The following NDOR1 variants were observed in gnomAD, a reference collection of about 807,000 sequenced individuals.
NDOR1 encodes the protein NADPH dependent diflavin oxidoreductase 1.
Under a neutral mutation model 67.2 loss-of-function variants are expected in NDOR1, and 61 were observed. The ratio of observed to expected loss-of-function variants is 0.91; its 90% CI spans 0.74 to 1.12. NDOR1 has a LOEUF of 1.12. Among genes scored for constraint, NDOR1 ranks in the 50% most tolerant of loss-of-function variants. The probability of loss-of-function intolerance (pLI) is 0.00; values close to 1 mark genes in which losing one functional copy is unlikely to be tolerated. For synonymous variants in NDOR1, 378 were observed against 343.7 expected (o/e 1.10, Z -1.10); for missense variants, 878 against 802.8 (o/e 1.09, Z -1.13).
chr9:137,216,697 G>T lies in NDOR1; in HGVS notation c.*281G>T, dbSNP rs1835624834. The T allele has an allele frequency of 2.0e-6, 1 of 492,888 alleles. No individual in the cohort carries two copies. Among genetic ancestry groups the T allele is most frequent in the East Asian group, 3.8e-5 (1 of 26,630 alleles). 30.5% of individuals were successfully genotyped at this position (492,888 alleles called of 1,614,324 possible). On this transcript the variant is annotated 3_prime_UTR_variant, in exon 14 of 14. Transcript: ENST00000684003. Reference sequence around the variant, plus strand: ...CACCCCCTTCCCAGTCAAGGTGGTGGCCTGGGCCGCTCCACCTCACCGGTG... The same window carrying T: ...CACCCCCTTCCCAGTCAAGGTGGTGTCCTGGGCCGCTCCACCTCACCGGTG...
chr9:137,214,933 G>C lies in NDOR1; in HGVS notation c.980G>C (p.Arg327Pro). 1.2e-6 allele frequency: 2 copies of C among 1,613,420 alleles called. No homozygotes were observed. Among genetic ancestry groups the C allele is most frequent in the Non-Finnish European group, 1.7e-6 (2 of 1,180,034 alleles). ...TGTCTATCCCTCCATGAGCTGGAGC[G>C]GGAGAAGCTGCTGGAGTTCAGTTCT... is the stretch of plus-strand genomic sequence containing the variant. ...LACLSLHELE[R>P]EKLLEFSSAQ... The change falls in exon 8 of 14, where the codon CGG becomes CCG. Residue 327 changes from arginine (R) to proline (P), a missense_variant. Arg to Pro is a moderately radical substitution (Grantham distance 103). Transcript: ENST00000684003.
chr9:137,216,152 T>C lies in NDOR1; in HGVS notation c.1613T>C (p.Leu538Pro). Residue 538 changes from leucine to proline, a missense_variant, in exon 13 of 14, where the codon CTG becomes CCG. Transcript: ENST00000684003. Reference protein sequence around the residue: ...LRELGSLVWELLDRQGAYFYL... With the variant: ...LRELGSLVWEPLDRQGAYFYL... ...GAGCTGGGGTCGCTTGTGTGGGAAC[T>C]GCTGGACCGCCAGGGTGCATACTTC... The C allele has an allele frequency of 6.2e-7, 1 of 1,613,578 alleles. No homozygotes were observed. Among genetic ancestry groups the C allele is most frequent in the Non-Finnish European group, 8.5e-7 (1 of 1,180,010 alleles).
At chr9:137,207,984 T>A (rs1457259318) in intron 2 of NDOR1, among the ~76,000 whole-genome samples, 1 of 141,286 alleles carries the variant, frequency 7.1e-6, no homozygotes, top group Non-Finnish European at 1.5e-5. Flanking sequence ...TCTACTAAAA[T>A]TACAACAATT....
chr9:137,215,382 A>ACCCCCCCCCCCCCCGCCCC, intron 9 of NDOR1, 25 bp from the exon 10 acceptor site: 1 of 1,058,056 alleles, frequency 9.5e-7, no homozygotes, highest in Non-Finnish European at 1.4e-6. Flanking sequence ...TTGTTCCACC[A>ACCCCCCCCCCCCCCGCCCC]CCCCCACCCC....
Position 137,205,728 on chromosome 9 carries a change from G to T in NDOR1, c.-50G>T. The T allele has an allele frequency of 6.3e-7, 1 of 1,597,628 alleles. No individual in the cohort carries two copies. The highest frequency in any genetic ancestry group is 8.5e-7 in the Non-Finnish European group (1 of 1,178,848). On this transcript the variant is annotated 5_prime_UTR_variant, in exon 1 of 14. Transcript: ENST00000684003. Reference sequence around the variant, plus strand: ...GCGGTCCCTGCAACCCGGCCGGCGGGAACTGCCTTCTAGTTTTTAGTCTCA... The same window carrying T: ...GCGGTCCCTGCAACCCGGCCGGCGGTAACTGCCTTCTAGTTTTTAGTCTCA...
At position 137,215,112 on chromosome 9, in the gene NDOR1, G is replaced by T. The variant is rs145912724; in HGVS notation, c.1083G>T (p.Pro361=). The T allele has an allele frequency of 1.9e-6, 3 of 1,613,668 alleles. No individual in the cohort carries two copies. Among genetic ancestry groups the T allele is most frequent in the Middle Eastern group, 1.6e-4 (1 of 6,062 alleles). The part of the protein sequence containing the change: ...RTILEVLCDF[P]HTAAAIPPDY... ...TTGCCTAGGTGCTCTGTGACTTCCCGCACACAGCTGCCGCCATCCCTCCCG... is the reference window on the plus strand; with the variant it reads ...TTGCCTAGGTGCTCTGTGACTTCCCTCACACAGCTGCCGCCATCCCTCCCG... The change falls in exon 9 of 14, where the codon CCG becomes CCT. Residue 361 remains proline, a synonymous_variant. Transcript: ENST00000684003.
At chr9:137,205,960 T>G (rs1588785187) in intron 1 of NDOR1, 48 bp downstream of exon 1, 1 of 1,521,690 alleles carries the variant, frequency 6.6e-7, no homozygotes, top group South Asian at 1.2e-5. Flanking sequence ...AGGCCTGGCG[T>G]GCCCGCCTCG....
chr9:137,217,701 G>C lies in NDOR1; in HGVS notation c.*1285G>C, dbSNP rs1835693614. On this transcript the variant is annotated 3_prime_UTR_variant, in exon 14 of 14. Coordinates refer to ENST00000684003, the MANE Select transcript of NDOR1 (RefSeq NM_014434.4). ...AGCCAGCCGGGAGGTCAGTGCCAGA[G>C]CTCTGGTGGAGCCCAGACCCTGCCT... The C allele has an allele frequency of 3.0e-6, 1 of 331,918 alleles. No individual in the cohort carries two copies. The highest frequency in any genetic ancestry group is 2.1e-5 in the African/African-American group (1 of 47,276). The allele number at this position is 331,918 out of a possible 1,614,324, so 20.6% of individuals were successfully genotyped here. A position where few individuals can be genotyped will look rare whatever the true frequency, so the allele number is the denominator to read the frequency against.
In NDOR1 at chr9:137,214,069, G is replaced by T; in HGVS notation, c.512+1G>T. 1 of 1,538,380 alleles carries T rather than the reference G, an allele frequency of 6.5e-7. No homozygotes were observed. On this transcript the variant is annotated splice_donor_variant, in intron 5 of 13. Coordinates refer to ENST00000684003, the MANE Select transcript of NDOR1 (RefSeq NM_014434.4). LOFTEE classifies it high-confidence loss of function. ...TCACTGAGATCCCTCCCGGAGTCCC[G>T]TGAGTGTGGGCCCCGGGTCACCCAC...
At position 137,217,435 on chromosome 9, in the gene NDOR1, C is replaced by CG. The variant is rs1835672944; in HGVS notation, c.*1022dup. 1 of 152,386 alleles carries CG rather than the reference C, an allele frequency of 6.6e-6. No individual in the cohort carries two copies. Among genetic ancestry groups the CG allele is most frequent in the South Asian group, 2.1e-4 (1 of 4,858 alleles). The allele number at this position is 152,386 out of a possible 1,614,324, so 9.4% of individuals were successfully genotyped here. A position where few individuals can be genotyped will look rare whatever the true frequency, so the allele number is the denominator to read the frequency against. The stretch of plus-strand genomic sequence containing the variant: ...GGGCGTGGTTGTGCAGCCCCACCCC[C>CG]GGGAGGGGCTTTAGGCACTGGGAAG... On this transcript the variant is annotated 3_prime_UTR_variant, in exon 14 of 14. Coordinates refer to ENST00000684003, the MANE Select transcript of NDOR1 (RefSeq NM_014434.4).
In NDOR1 at chr9:137,211,598, G is replaced by C. The variant is rs145947198; in HGVS notation, c.214-904G>C. 9.2e-5 allele frequency among the ~76,000 whole-genome samples: 14 copies of C among 152,156 alleles called. 1 individual carries two copies. The highest frequency in any genetic ancestry group is 2.7e-4 in the African/African-American group (11 of 41,488). ...AGTCTTTTGGGATTCAGGAAGCAAG[G>C]GTGTCTCAACAGCAGGGCGCTAGGG... On this transcript the variant is annotated intron_variant, in intron 2 of 13. Coordinates refer to ENST00000684003, the MANE Select transcript of NDOR1 (RefSeq NM_014434.4).
In NDOR1 at chr9:137,215,463, C is replaced by A. The variant is rs1241795251; in HGVS notation, c.1230C>A (p.Leu410=). Residue 410 remains leucine (L), a synonymous_variant, in exon 10 of 14, where the codon CTC becomes CTA. Coordinates refer to ENST00000684003, the MANE Select transcript of NDOR1 (RefSeq NM_014434.4). Reference sequence around the variant, plus strand: ...CTGTAGTGCAGTTCCAGACTCGCCTCAAGGAGCCCCGCCGGGGCCTCTGCT... The same window carrying A: ...CTGTAGTGCAGTTCCAGACTCGCCTAAAGGAGCCCCGCCGGGGCCTCTGCT... The part of the protein sequence containing the change: ...LVAVVQFQTR[L]KEPRRGLCSS... 1 of 1,613,470 alleles carries A rather than the reference C, an allele frequency of 6.2e-7. No individual in the cohort carries two copies. The highest frequency in any genetic ancestry group is 1.7e-5 in the Admixed American group (1 of 60,024).
Position 137,207,410 on chromosome 9 carries a change from G to A in NDOR1, c.213+1101G>A, listed in dbSNP as rs1416843786. Among the ~76,000 whole-genome samples, 3 of 152,102 alleles carry A rather than the reference G, an allele frequency of 2.0e-5. No homozygotes were observed. In the East Asian group the frequency reaches 5.8e-4, roughly 30 times the overall value. On this transcript the variant is annotated intron_variant, in intron 2 of 13. Coordinates refer to ENST00000684003, the MANE Select transcript of NDOR1 (RefSeq NM_014434.4). The stretch of plus-strand genomic sequence containing the variant: ...TCAGAGAACACGGTGGGAGTAGGGG[G>A]CTGTGCAGGAAGGGAACCTGGAGAC...
intron 2 of NDOR1, among the ~76,000 whole-genome samples, chr9:137,210,736 A>G (rs1029448120): frequency 6.6e-6 from 1 of 151,990 alleles, no homozygotes; most frequent in African/African-American, 2.4e-5. Flanking sequence ...AATCCCCACT[A>G]CTTGGGAGGC....
chr9:137,215,718 G>A lies in NDOR1; in HGVS notation c.1348G>A (p.Asp450Asn). Reference sequence around the variant, plus strand: ...GAGTCTGGCCTTCCCAGAGACACCAGACACACCTGTGATCATGGTGGGGCC... The same window carrying A: ...GAGTCTGGCCTTCCCAGAGACACCAAACACACCTGTGATCATGGTGGGGCC... ...PGSLAFPETP[D>N]TPVIMVGPGT... Residue 450 changes from aspartate to asparagine, a missense_variant, in exon 11 of 14, where the codon GAC becomes AAC. Coordinates refer to ENST00000684003, the MANE Select transcript of NDOR1 (RefSeq NM_014434.4). 2 of 1,600,714 alleles carry A rather than the reference G, an allele frequency of 1.2e-6. No homozygotes were observed.
chr9:137,215,224 G>T (rs1373285747), intron 9 of NDOR1, 22 bp downstream of exon 9: 2 of 1,602,002 alleles, frequency 1.2e-6, no homozygotes, highest in Non-Finnish European at 1.7e-6. Context: ...GGTGGTTGGA[G>T]CCCAGGACCG....
intron 2 of NDOR1, among the ~76,000 whole-genome samples, chr9:137,209,559 G>C (rs902624633): frequency 1.3e-5 from 2 of 152,180 alleles, no homozygotes; most frequent in Admixed American, 6.5e-5. Context: ...CGGGAACTGG[G>C]AGCTCCTTGA....
At chr9:137,213,732 A>G in intron 3 of NDOR1, 48 bp from the exon 4 acceptor site, 1 of 1,575,274 alleles carries the variant, frequency 6.3e-7, no homozygotes, top group Non-Finnish European at 8.6e-7. Context: ...CCTGGGCACC[A>G]CTCTCCGCCC....
At chr9:137,216,224 C>T in intron 13 of NDOR1, 36 bp downstream of exon 13, 1 of 1,613,014 alleles carries the variant, frequency 6.2e-7, no homozygotes, top group Non-Finnish European at 8.5e-7. Flanking sequence ...GTGGGCCCAG[C>T]CCCTGAGTGC....
Sources: gnomAD v4.1 joint callset for allele counts (sites outside exome capture counted in the v4.1 genomes callset) on GRCh38, gnomAD v4.1.1 for gene constraint, MANE v1.5 for transcripts, NCBI Gene and HGNC (gene_info 2026-07-23, HGNC 2026-07-21) for gene names.